The following RECQL5 variants were observed in gnomAD, a reference collection of about 807,000 sequenced individuals.
The protein encoded by RECQL5 is RecQ like helicase 5.
In RECQL5, 88 loss-of-function variants were observed where a neutral mutation model predicts 103.4. That is an observed-to-expected ratio of 0.85 (90% CI 0.72 to 1.02). RECQL5 has a LOEUF of 1.02. Among genes scored for constraint, RECQL5 ranks in the 50% least tolerant of loss-of-function variants. The pLI is 0.00. For synonymous variants in RECQL5, 552 were observed against 507.9 expected, an observed-to-expected ratio of 1.09 and a Z score of -1.17; for missense variants, 1,232 against 1,284.3, an observed-to-expected ratio of 0.96 and a Z score of 0.62.
rs1368293396 is a variant in RECQL5, at chr17:75,628,726, G to T, written c.2526C>A (p.Val842=). 6.3e-7 allele frequency: 1 copy of T among 1,590,274 alleles called. No homozygotes were observed. The change falls in exon 17 of 20, where the codon GTC becomes GTA. Residue 842 remains valine, a synonymous_variant. Coordinates refer to ENST00000317905, the MANE Select transcript of RECQL5 (RefSeq NM_004259.7). ...CPPRDQGTPE[V]QPTPAKDTWK... ...ATGTGTCCTTTGCAGGGGTGGGCTGGACTTCAGGGGTGCCCTGGTCTCTGG... is the reference window on the plus strand; with the variant it reads ...ATGTGTCCTTTGCAGGGGTGGGCTGTACTTCAGGGGTGCCCTGGTCTCTGG...
Position 75,632,144 on chromosome 17 carries a change from C to G in RECQL5, c.1230-476G>C, listed in dbSNP as rs368482244. Among the ~76,000 whole-genome samples the G allele has an allele frequency of 8.2e-4, 125 of 152,328 alleles. 2 individuals are homozygous for G. In the South Asian group the frequency reaches 0.017, roughly 21 times the overall value. ...AAGTGCATTACAGTACAGTCATGCCCCATGGAATGACTGCACAGCCAATGG... is the reference window on the plus strand; with the variant it reads ...AAGTGCATTACAGTACAGTCATGCCGCATGGAATGACTGCACAGCCAATGG... On this transcript the variant is annotated intron_variant, in intron 8 of 19. Coordinates refer to ENST00000317905, the MANE Select transcript of RECQL5 (RefSeq NM_004259.7).
chr17:75,630,443 GCA>G, intron 13 of RECQL5, 166 bp from the exon 14 acceptor site: 2 of 868,378 alleles, frequency 2.3e-6, no homozygotes, highest in South Asian at 3.4e-5. Flanking sequence ...GCTGCTGGTA[GCA>G]CCTAAGTTGT....
At chr17:75,629,500 G>A (rs1262372679) in intron 15 of RECQL5, 25 bp from the exon 16 acceptor site, 2 of 1,501,280 alleles carry the variant, frequency 1.3e-6, no homozygotes, top group Non-Finnish European at 1.8e-6. Flanking sequence ...AGGAGGAGAG[G>A]AGGTTCAGCC....
intron 7 of RECQL5, among the ~76,000 whole-genome samples, chr17:75,656,817 T>C (rs1263954478): frequency 2.0e-5 from 3 of 148,832 alleles, no homozygotes; most frequent in African/African-American, 7.4e-5. Context: ...TGATCTCGGC[T>C]CACTGCAAGC....
chr17:75,641,723 G>C (rs970327812), intron 8 of RECQL5, among the ~76,000 whole-genome samples: 1 of 152,116 alleles, frequency 6.6e-6, no homozygotes, highest in Non-Finnish European at 1.5e-5. Context: ...CTGCACCTTT[G>C]GCCTGCACAT....
Position 75,662,463 on chromosome 17 carries a change from C to T in RECQL5, c.771+16G>A, listed in dbSNP as rs1446376416. 2.5e-6 allele frequency: 4 copies of T among 1,607,274 alleles called. No homozygotes were observed. The highest frequency in any genetic ancestry group is 3.4e-6 in the Non-Finnish European group (4 of 1,175,500). The stretch of plus-strand genomic sequence containing the variant: ...ACTGCTCTAACAGCTGCTTGGCCTC[C>T]ACCTCAATGCCTCACCCCTTTATCA... On this transcript the variant is annotated intron_variant, in intron 4 of 19. Coordinates refer to ENST00000317905, the MANE Select transcript of RECQL5 (RefSeq NM_004259.7).
intron 8 of RECQL5, chr17:75,633,503 C>T: frequency 1.6e-6 from 2 of 1,288,766 alleles, no homozygotes; most frequent in Non-Finnish European, 2.0e-6. Flanking sequence ...CAGGCCACTC[C>T]CAGGTCACTC....
chr17:75,665,820 G>A (rs570326574), intron 2 of RECQL5, among the ~76,000 whole-genome samples: 1 of 152,254 alleles, frequency 6.6e-6, no homozygotes, highest in East Asian at 1.9e-4. Context: ...ATTACTTAGA[G>A]GGCTTTTGTT....
rs756962366 is a variant in RECQL5 at position 75,661,564 on chromosome 17, C to T, written c.874+42G>A. 8 of 1,391,746 alleles carry T rather than the reference C, an allele frequency of 5.7e-6. No homozygotes were observed. The African/African-American group carries it at 1.1e-4, about 20-fold the overall frequency. 86.2% of individuals were successfully genotyped at this position (1,391,746 alleles called of 1,614,324 possible). On this transcript the variant is annotated intron_variant, in intron 5 of 19. Coordinates refer to ENST00000317905, the MANE Select transcript of RECQL5 (RefSeq NM_004259.7). ...AAGAACAAGAGACCAGCTAAGAAGC[C>T]TCTGAGGGTGAAGAGACTCAAGTGG...
chr17:75,663,123 T>C (rs1417224977), intron 3 of RECQL5, 126 bp from the exon 4 acceptor site: 3 of 898,726 alleles, frequency 3.3e-6, no homozygotes, highest in East Asian at 2.5e-5. Flanking sequence ...TCTCTTTGCA[T>C]AGAAGTAGTA....
At position 75,631,006 on chromosome 17, in the gene RECQL5, T is replaced by TTGCCCTCC; in HGVS notation, c.1552_1553insGGAGGGCA (p.Lys518ArgfsTer8). 1 of 1,613,860 alleles carries TTGCCCTCC rather than the reference T, an allele frequency of 6.2e-7. No homozygotes were observed. Among genetic ancestry groups the TTGCCCTCC allele is most frequent in the Non-Finnish European group, 8.5e-7 (1 of 1,179,966 alleles). Reference sequence around the variant, plus strand: ...TACAAATTCTTCTATCTTGGGGTCTTTGCCCTGGAGGACAACATGAAGGAC... The same window carrying TTGCCCTCC: ...TACAAATTCTTCTATCTTGGGGTCTTTGCCCTCCTGCCCTGGAGGACAACATGAAGGAC... On this transcript the variant is annotated frameshift_variant, in exon 11 of 20. Coordinates refer to ENST00000317905, the MANE Select transcript of RECQL5 (RefSeq NM_004259.7). LOFTEE classifies it high-confidence loss of function.
chr17:75,631,515 G>A lies in RECQL5; in HGVS notation c.1383C>T (p.Ser461=). ...SSWSKTCIGP[S]QGNGFDPELY... The stretch of plus-strand genomic sequence containing the variant: ...GCTCGGGGTCAAAGCCGTTCCCCTG[G>A]GAGGGCCCGATGCAGGTCTTGCTCC... Residue 461 remains serine, a synonymous_variant, in exon 9 of 20, where the codon TCC becomes TCT. Transcript: ENST00000317905. The A allele has an allele frequency of 6.2e-7, 1 of 1,613,298 alleles. No homozygotes were observed. Among genetic ancestry groups the A allele is most frequent in the Non-Finnish European group, 8.5e-7 (1 of 1,179,984 alleles).
At chr17:75,646,815 C>T in intron 8 of RECQL5, 1 of 153,008 alleles carries the variant, frequency 6.5e-6, no homozygotes, top group Non-Finnish European at 1.5e-5. Flanking sequence ...TCCACCTGGG[C>T]TGCCCTCACC....
intron 2 of RECQL5, among the ~76,000 whole-genome samples, chr17:75,665,679 G>C (rs751554006): frequency 6.7e-5 from 9 of 133,592 alleles, no homozygotes; most frequent in Non-Finnish European, 1.2e-4. Context: ...GACAGAGCAA[G>C]ACTCTGTTTC....
chr17:75,642,378 G>C (rs1411187906), intron 8 of RECQL5, among the ~76,000 whole-genome samples: 1 of 152,182 alleles, frequency 6.6e-6, no homozygotes, highest in East Asian at 1.9e-4. Context: ...TGGGAAACAT[G>C]TCATGGAGAG....
chr17:75,661,080 G>A lies in RECQL5; in HGVS notation c.875-14C>T, dbSNP rs1393889236. 1 of 1,597,246 alleles carries A rather than the reference G, an allele frequency of 6.3e-7. No individual in the cohort carries two copies. Among genetic ancestry groups the A allele is most frequent in the African/African-American group, 1.3e-5 (1 of 74,564 alleles). ...AGGCCTTCAGCCCTGTAAAGGAGGG[G>A]AAGATGGAGAAGGGAACTCACATTT... On this transcript the variant is annotated splice_polypyrimidine_tract_variant and intron_variant, in intron 5 of 19. Transcript: ENST00000317905.
At chr17:75,647,330 G>T in intron 8 of RECQL5, 1 of 1,499,348 alleles carries the variant, frequency 6.7e-7, no homozygotes, top group Non-Finnish European at 9.0e-7. Flanking sequence ...CAGGGCCTGG[G>T]AGGGCTGCCT....
In RECQL5 at chr17:75,658,334, G is replaced by A; in HGVS notation, c.1113C>T (p.Val371=). The A allele has an allele frequency of 1.2e-6, 2 of 1,613,938 alleles. No individual in the cohort carries two copies. Among genetic ancestry groups the A allele is most frequent in the Non-Finnish European group, 1.7e-6 (2 of 1,179,932 alleles). Residue 371 remains valine (V), a synonymous_variant, in exon 7 of 20, where the codon GTC becomes GTT. Coordinates refer to ENST00000317905, the MANE Select transcript of RECQL5 (RefSeq NM_004259.7). The stretch of plus-strand genomic sequence containing the variant: ...CTACTTCCTTCCTGATCAGGAAGCT[G>A]ACTTGGTCCCGGTCATTCCTGGAGT... ...LYYSRNDRDQ[V]SFLIRKEVAK...
chr17:75,658,444 TC>T lies in RECQL5; in HGVS notation c.1002del (p.Trp334Ter). The stretch of plus-strand genomic sequence containing the variant: ...TACCCAGCCATAGACTTGGCAATAT[TC>T]CAATGGGCGACAAACCTGTAGGATC... ...DKANVRFVAHWNIAKSMAGYY... is the reference protein window; with the variant it reads ...DKANVRFVAHXNIAKSMAGYY... On this transcript the variant is annotated frameshift_variant, in exon 7 of 20. Coordinates refer to ENST00000317905, the MANE Select transcript of RECQL5 (RefSeq NM_004259.7). LOFTEE classifies it high-confidence loss of function. The T allele has an allele frequency of 6.2e-7, 1 of 1,613,496 alleles. No homozygotes were observed. The highest frequency in any genetic ancestry group is 8.5e-7 in the Non-Finnish European group (1 of 1,179,686).
Sources: gnomAD v4.1 joint callset for allele counts (sites outside exome capture counted in the v4.1 genomes callset) on GRCh38, gnomAD v4.1.1 for gene constraint, MANE v1.5 for transcripts, NCBI Gene and HGNC (gene_info 2026-07-23, HGNC 2026-07-21) for gene names.